The following RAP1GDS1 variants were observed in gnomAD, a reference collection of about 807,000 sequenced individuals.
The protein encoded by RAP1GDS1 is RAP1, GTP-GDP dissociation stimulator 1.
In RAP1GDS1, 35 loss-of-function variants were observed where a neutral mutation model predicts 71.1. The ratio of observed to expected loss-of-function variants is 0.49; its 90% CI spans 0.38 to 0.65. The LOEUF (loss-of-function observed/expected upper bound fraction) is 0.65, where lower values mean the gene tolerates loss of function less well. RAP1GDS1 is among the 30% of genes least tolerant of loss of function. RAP1GDS1 has a pLI of 0.00. For missense variants in RAP1GDS1, 663 were observed against 706.1 expected (o/e 0.94, Z 0.69); for synonymous variants, 229 against 243.1 (o/e 0.94, Z 0.54).
chr4:98,401,534 T>G lies in RAP1GDS1; in HGVS notation c.638-2943T>G, dbSNP rs558185109. Among the ~76,000 whole-genome samples, 252 of 152,326 alleles carry G rather than the reference T, an allele frequency of 1.7e-3. 1 individual carries two copies. Among genetic ancestry groups the G allele is most frequent in the African/African-American group, 5.7e-3 (238 of 41,582 alleles). On this transcript the variant is annotated intron_variant, in intron 6 of 14. Coordinates refer to ENST00000408927, the MANE Select transcript of RAP1GDS1 (RefSeq NM_001100427.2). ...ATGAATTAGCTAAAAGAGCTTCATG[T>G]ATTTGTGAGGAAGAAGAAATGGAGG... is the stretch of plus-strand genomic sequence containing the variant.
chr4:98,348,701 A>G (rs1171666994), intron 3 of RAP1GDS1, among the ~76,000 whole-genome samples: 1 of 152,080 alleles, frequency 6.6e-6, no homozygotes, highest in Admixed American at 6.5e-5. Context: ...TTTGATTTGC[A>G]TTTATCTGAT....
At chr4:98,301,357 A>G (rs922104882) in intron 2 of RAP1GDS1, among the ~76,000 whole-genome samples, 2 of 152,208 alleles carry the variant, frequency 1.3e-5, no homozygotes, top group African/African-American at 4.8e-5. Flanking sequence ...TAAAGTGTCA[A>G]CTAAAAAGAC....
At chr4:98,314,868 T>C (rs1316529048) in intron 2 of RAP1GDS1, among the ~76,000 whole-genome samples, 1 of 152,188 alleles carries the variant, frequency 6.6e-6, no homozygotes. Flanking sequence ...ATAGACATTT[T>C]ATAGGTATAC....
intron 1 of RAP1GDS1, among the ~76,000 whole-genome samples, chr4:98,289,217 A>G (rs973044579): frequency 2.0e-5 from 3 of 152,156 alleles, no homozygotes; most frequent in Admixed American, 6.6e-5. Context: ...GAATCTATAT[A>G]AAAATAGAAA....
intron 7 of RAP1GDS1, among the ~76,000 whole-genome samples, chr4:98,404,861 G>T (rs926612780): frequency 4.6e-5 from 7 of 152,078 alleles, no homozygotes; most frequent in Admixed American, 1.3e-4. Flanking sequence ...TGCCATTCTG[G>T]AAAAGGCAGC....
intron 6 of RAP1GDS1, among the ~76,000 whole-genome samples, chr4:98,398,177 A>C (rs1230155611): frequency 1.3e-5 from 2 of 152,112 alleles, no homozygotes; most frequent in Non-Finnish European, 2.9e-5. Flanking sequence ...CATTAAGAAT[A>C]ATTGCTAAGA....
chr4:98,417,579 T>C, intron 9 of RAP1GDS1, 81 bp downstream of exon 9: 1 of 1,414,426 alleles, frequency 7.1e-7, no homozygotes, highest in Non-Finnish European at 9.7e-7. Flanking sequence ...ATACTAAAAC[T>C]GGAACAGTTT....
intron 9 of RAP1GDS1, 98 bp from the exon 10 acceptor site, chr4:98,418,559 C>T (rs1305913639): frequency 2.7e-6 from 3 of 1,095,360 alleles, no homozygotes; most frequent in Admixed American, 3.2e-5. Context: ...TTGTATAGCT[C>T]CATTTTCCCT....
At chr4:98,264,458 A>G (rs1207775753) in intron 1 of RAP1GDS1, among the ~76,000 whole-genome samples, 1 of 152,140 alleles carries the variant, frequency 6.6e-6, no homozygotes, top group East Asian at 1.9e-4. Flanking sequence ...GTGAAAGAAA[A>G]GTCCTATATA....
chr4:98,267,561 T>G (rs1275176106), intron 1 of RAP1GDS1, among the ~76,000 whole-genome samples: 1 of 152,202 alleles, frequency 6.6e-6, no homozygotes, highest in African/African-American at 2.4e-5. Context: ...GTACACCCAG[T>G]GCTTAGCTTC....
intron 5 of RAP1GDS1, among the ~76,000 whole-genome samples, chr4:98,384,195 A>G (rs1285086288): frequency 1.3e-5 from 2 of 151,372 alleles, no homozygotes. Flanking sequence ...TTTTTCCTCT[A>G]TTTATGAAGA....
intron 10 of RAP1GDS1, among the ~76,000 whole-genome samples, chr4:98,419,060 GC>G (rs1445455860): frequency 6.6e-6 from 1 of 152,034 alleles, no homozygotes; most frequent in Non-Finnish European, 1.5e-5. Flanking sequence ...TTATAGTTAA[GC>G]TTTTTTAAGT....
At chr4:98,297,675 C>T (rs1332340611) in intron 2 of RAP1GDS1, among the ~76,000 whole-genome samples, 2 of 152,166 alleles carry the variant, frequency 1.3e-5, no homozygotes, top group African/African-American at 4.8e-5. Flanking sequence ...GTACCCCCTA[C>T]TCCCCATCTC....
chr4:98,383,545 C>A (rs1029272033), intron 5 of RAP1GDS1, among the ~76,000 whole-genome samples: 2 of 151,250 alleles, frequency 1.3e-5, no homozygotes, highest in African/African-American at 2.4e-5. Context: ...CATGATAATT[C>A]TTATATTTAT....
At chr4:98,299,669 C>CT (rs1560795054) in intron 2 of RAP1GDS1, among the ~76,000 whole-genome samples, 1 of 150,236 alleles carries the variant, frequency 6.7e-6, no homozygotes, top group African/African-American at 2.4e-5. Flanking sequence ...GAGTCTCACT[C>CT]TGTCGCCCAG....
In RAP1GDS1 at chr4:98,345,346, C is replaced by T. The variant is rs1736072581; in HGVS notation, c.235+2085C>T. On this transcript the variant is annotated intron_variant, in intron 3 of 14. Transcript: ENST00000408927. ...ATATACTTCTTCCATTCAAATAAAC[C>T]CCAAATAGGTTTTTGTACGCACAAA... 2.6e-5 allele frequency among the ~76,000 whole-genome samples: 4 copies of T among 151,988 alleles called. No homozygotes were observed. In the South Asian group the frequency reaches 8.3e-4, roughly 32 times the overall value.
intron 2 of RAP1GDS1, among the ~76,000 whole-genome samples, chr4:98,330,736 G>A (rs529045982): frequency 6.6e-5 from 10 of 151,136 alleles, no homozygotes; most frequent in East Asian, 5.9e-4. Context: ...CATCCCAGAC[G>A]ATGGGCGGCC....
intron 1 of RAP1GDS1, among the ~76,000 whole-genome samples, chr4:98,287,780 T>G (rs1186847910): frequency 6.9e-6 from 1 of 144,600 alleles, no homozygotes; most frequent in African/African-American, 2.8e-5. Flanking sequence ...ACTTTTTTGC[T>G]CAGATATTTT....
At chr4:98,390,415 T>C (rs1743435483) in intron 5 of RAP1GDS1, among the ~76,000 whole-genome samples, 1 of 152,176 alleles carries the variant, frequency 6.6e-6, no homozygotes, top group Non-Finnish European at 1.5e-5. Flanking sequence ...AAATTTGAAA[T>C]TGTTTTATTA....
Sources: allele counts gnomAD v4.1 joint callset (sites outside exome capture counted in the v4.1 genomes callset), GRCh38; gene constraint gnomAD v4.1.1; transcripts MANE v1.5; gene names NCBI Gene and HGNC (gene_info 2026-07-23, HGNC 2026-07-21).